The following ASB11 variants were observed in gnomAD, a reference collection of about 807,000 sequenced individuals.
ASB11 encodes ankyrin repeat and SOCS box protein 11.
ASB11 carries 17 observed loss-of-function variants against 20.1 expected under a neutral mutation model. The observed-to-expected ratio is 0.85, with a 90% CI of 0.58 to 1.27. The LOEUF (loss-of-function observed/expected upper bound fraction) is 1.27. Among genes scored for constraint, ASB11 ranks in the 50% most tolerant of loss-of-function variants. The pLI is 0.00. For synonymous variants in ASB11, 107 were observed against 105.6 expected (o/e 1.01, Z -0.08); for missense variants, 259 against 256.9 (o/e 1.01, Z -0.06).
intron 5 of ASB11, among the ~76,000 whole-genome samples, chrX:15,288,470 T>C (rs769918701): frequency 1.8e-5 from 2 of 112,098 alleles, no homozygotes; most frequent in South Asian, 7.4e-4. Flanking sequence ...TGATGGGAAA[T>C]AAAAAAGACA....
intron 1 of ASB11, among the ~76,000 whole-genome samples, chrX:15,303,856 C>T (rs1016821074): frequency 5.3e-5 from 6 of 112,460 alleles, no homozygotes; most frequent in African/African-American, 1.6e-4. Flanking sequence ...CACAGTAGAG[C>T]AGTGCCATAA....
intron 1 of ASB11, among the ~76,000 whole-genome samples, chrX:15,306,532 A>G (rs1171530279): frequency 2.7e-5 from 3 of 109,962 alleles, no homozygotes; most frequent in Non-Finnish European, 5.7e-5. Flanking sequence ...ATGAAACCCC[A>G]TCTCTACTAA....
intron 1 of ASB11, among the ~76,000 whole-genome samples, chrX:15,304,063 T>C (rs946711856): frequency 2.7e-5 from 3 of 113,007 alleles, no homozygotes; most frequent in Non-Finnish European, 5.6e-5. Flanking sequence ...GTGCTTTTCA[T>C]GCACTGAATA....
At chrX:15,293,400 C>T in intron 3 of ASB11, 80 bp from the exon 4 acceptor site, 1 of 1,067,732 alleles carries the variant, frequency 9.4e-7, no homozygotes, top group Non-Finnish European at 1.3e-6. Context: ...TATGTATTTG[C>T]CTAGAGGAAT....
At chrX:15,295,868 C>T (rs924008304) in intron 3 of ASB11, among the ~76,000 whole-genome samples, 4 of 111,995 alleles carry the variant, frequency 3.6e-5, no homozygotes, top group Non-Finnish European at 5.6e-5. Context: ...TGAAAGGAAA[C>T]GGCTCTCACA....
intron 4 of ASB11, among the ~76,000 whole-genome samples, chrX:15,290,258 C>G (rs1320849104): frequency 9.0e-6 from 1 of 110,689 alleles, no homozygotes; most frequent in Admixed American, 9.7e-5. Context: ...ATGATGCCAC[C>G]ATTTTACAAA....
Position 15,283,494 on chromosome X carries a change from A to G in ASB11, c.*11T>C. 8.3e-7 allele frequency: 1 copy of G among 1,210,551 alleles called. No individual in the cohort carries two copies. Among genetic ancestry groups the G allele is most frequent in the Non-Finnish European group, 1.1e-6 (1 of 894,535 alleles). On this transcript the variant is annotated 3_prime_UTR_variant, in exon 7 of 7. Transcript: ENST00000480796. ...GTGTCATTCCAAGTATCTTCCCAGG[A>G]ACACTTAGGACTATTGGTATAGGAG...
chrX:15,310,234 G>T (rs776764799), intron 1 of ASB11, among the ~76,000 whole-genome samples: 1 of 111,177 alleles, frequency 9.0e-6, no homozygotes, highest in Non-Finnish European at 1.9e-5. Flanking sequence ...GAGGATAAAA[G>T]TTACTTGGCA....
chrX:15,292,025 ACT>A (rs983438017), intron 4 of ASB11: 1 of 100,955 alleles, frequency 9.9e-6, no homozygotes, highest in African/African-American at 3.7e-5. Flanking sequence ...ACAGCACGAG[ACT>A]CTGTCGAAAA....
At chrX:15,284,267 AAAAG>A (rs1243564588) in intron 6 of ASB11, among the ~76,000 whole-genome samples, 22 of 88,863 alleles carry the variant, frequency 2.5e-4, no homozygotes, top group Non-Finnish European at 1.1e-4. Flanking sequence ...AAAAAAAAAA[AAAAG>A]AAAGAAAGAA....
rs962632208 is a variant in ASB11, at chrX:15,302,903, G to T, written c.182-96C>A. 6.1e-6 allele frequency: 4 copies of T among 658,548 alleles called. No individual in the cohort carries two copies. The African/African-American group carries it at 8.8e-5, about 14-fold the overall frequency. The allele number at this position is 658,548 out of a possible 1,213,427, so 54.3% of individuals were successfully genotyped here. ...CACTGTGAGAGGAGGTTTGGGGGAA[G>T]AGGAGGGAAGAGGAGGGAAGCAGGT... On this transcript the variant is annotated intron_variant, in intron 1 of 6. Transcript: ENST00000480796.
Position 15,282,463 on chromosome X carries a change from A to G in ASB11, c.*1042T>C, listed in dbSNP as rs1167020375. 1 of 111,228 alleles carries G rather than the reference A, an allele frequency of 9.0e-6. No homozygotes were observed. Among genetic ancestry groups the G allele is most frequent in the Admixed American group, 9.6e-5 (1 of 10,387 alleles). The allele number at this position is 111,228 out of a possible 1,213,427, so 9.2% of individuals were successfully genotyped here. On this transcript the variant is annotated 3_prime_UTR_variant, in exon 7 of 7. Transcript: ENST00000480796. ...TTTTGGGCCCCTATCCACAGAAAAA[A>G]ATATTGACCCAGCATTGAGCCCACT...
At chrX:15,313,535 A>C (rs1192333914) in intron 1 of ASB11, among the ~76,000 whole-genome samples, 1 of 111,759 alleles carries the variant, frequency 8.9e-6, no homozygotes, top group East Asian at 2.8e-4. Flanking sequence ...GGAAATTAAC[A>C]TGCACCATTC....
chrX:15,307,227 T>C (rs776078024), intron 1 of ASB11, among the ~76,000 whole-genome samples: 1 of 112,430 alleles, frequency 8.9e-6, no homozygotes, highest in African/African-American at 3.2e-5. Context: ...TCAAGTCATA[T>C]ACACAACATG....
chrX:15,296,284 A>G (rs2147693496), intron 3 of ASB11, among the ~76,000 whole-genome samples: 1 of 110,669 alleles, frequency 9.0e-6, no homozygotes, highest in South Asian at 3.8e-4. Flanking sequence ...AAAAAACAAA[A>G]AAAGAAAATG....
chrX:15,309,841 G>A (rs937158967), intron 1 of ASB11, among the ~76,000 whole-genome samples: 2 of 107,740 alleles, frequency 1.9e-5, no homozygotes, highest in African/African-American at 3.4e-5. Flanking sequence ...GGTGGCGGGC[G>A]CCTGTAGTCC....
intron 4 of ASB11, 53 bp downstream of exon 4, chrX:15,293,117 C>A: frequency 8.5e-7 from 1 of 1,174,770 alleles, no homozygotes; most frequent in South Asian, 2.0e-5. Context: ...TTGATTCATA[C>A]AGATTGGAGT....
intron 6 of ASB11, among the ~76,000 whole-genome samples, chrX:15,283,967 AC>A (rs1247412099): frequency 1.8e-5 from 2 of 111,419 alleles, no homozygotes; most frequent in African/African-American, 6.5e-5. Flanking sequence ...AAAGTGATAC[AC>A]GGGGCCAGGC....
intron 6 of ASB11, among the ~76,000 whole-genome samples, chrX:15,284,052 A>T (rs1248161759): frequency 4.6e-5 from 5 of 107,944 alleles, no homozygotes; most frequent in Non-Finnish European, 9.5e-5. Flanking sequence ...GGAGATGGAG[A>T]CCATCCTGGC....
Sources: allele counts gnomAD v4.1 joint callset (sites outside exome capture counted in the v4.1 genomes callset), GRCh38; gene constraint gnomAD v4.1.1; transcripts MANE v1.5; gene names NCBI Gene and HGNC (gene_info 2026-07-23, HGNC 2026-07-21).